The following SIK3 variants were observed in gnomAD, a reference collection of about 807,000 sequenced individuals.
SIK3 encodes the protein serine/threonine-protein kinase SIK3.
Under a neutral mutation model 144.2 loss-of-function variants are expected in SIK3, and 28 were observed. The observed-to-expected ratio is 0.19, with a 90% CI of 0.14 to 0.27. The LOEUF is 0.27. Ranked by LOEUF, SIK3 falls within the 10% of genes least tolerant of loss-of-function variation. SIK3 has a pLI of 1.00. For synonymous variants in SIK3, 686 were observed against 676.3 expected (o/e 1.01, Z -0.22); for missense variants, 1,319 against 1,776.0 (o/e 0.74, Z 4.62).
chr11:117,032,391 T>A (rs541315137), intron 1 of SIK3, among the ~76,000 whole-genome samples: 1 of 152,372 alleles, frequency 6.6e-6, no homozygotes, highest in South Asian at 2.1e-4. Context: ...TTTTGTTAGA[T>A]ATATGCTCAA....
At chr11:116,863,852 G>A in intron 15 of SIK3, 34 bp from the exon 16 acceptor site, 1 of 1,548,918 alleles carries the variant, frequency 6.5e-7, no homozygotes. Context: ...TAGAGGCTAG[G>A]ACTCAGGGGC....
At position 116,962,218 on chromosome 11, in the gene SIK3, C is replaced by T. The variant is rs531757631; in HGVS notation, c.274-5154G>A. On this transcript the variant is annotated intron_variant, in intron 1 of 24. Transcript: ENST00000445177. ...CACCCTTCCCCATCAGAAATAAATG[C>T]CCTATAGCAGATAGTACGGATTCAG... 2.9e-4 allele frequency among the ~76,000 whole-genome samples: 44 copies of T among 152,242 alleles called. No homozygotes were observed. The South Asian group carries it at 8.7e-3, about 30-fold the overall frequency.
At chr11:116,966,872 G>T (rs1336382416) in intron 1 of SIK3, among the ~76,000 whole-genome samples, 2 of 151,714 alleles carry the variant, frequency 1.3e-5, no homozygotes, top group Non-Finnish European at 2.9e-5. Flanking sequence ...AAGCATGGTG[G>T]CGTGGGCCTG....
chr11:116,925,075 G>A (rs1345654929), intron 4 of SIK3, among the ~76,000 whole-genome samples: 1 of 152,144 alleles, frequency 6.6e-6, no homozygotes, highest in Non-Finnish European at 1.5e-5. Flanking sequence ...GAGACCAGGA[G>A]TTCGAGACCA....
At chr11:117,047,895 C>T (rs1289921489) in intron 1 of SIK3, among the ~76,000 whole-genome samples, 1 of 152,040 alleles carries the variant, frequency 6.6e-6, no homozygotes, top group Non-Finnish European at 1.5e-5. Context: ...ATGATAAAGT[C>T]TGTTGTGAGG....
intron 15 of SIK3, chr11:116,864,624 C>T (rs1215514369): frequency 6.6e-6 from 1 of 152,260 alleles, no homozygotes; most frequent in Non-Finnish European, 1.5e-5. Context: ...TAGAAGCTAA[C>T]ACCTACTCTT....
At chr11:116,943,587 G>A (rs926931327) in intron 3 of SIK3, among the ~76,000 whole-genome samples, 3 of 152,082 alleles carry the variant, frequency 2.0e-5, no homozygotes, top group East Asian at 1.9e-4. Context: ...GACACTCACC[G>A]AAACCTAGTT....
chr11:116,852,123 A>T (rs1942504894), intron 21 of SIK3, among the ~76,000 whole-genome samples: 1 of 152,258 alleles, frequency 6.6e-6, no homozygotes, highest in Non-Finnish European at 1.5e-5. Context: ...AGCAAAGCTA[A>T]CAAAATGTAT....
At chr11:116,913,569 A>C (rs1289694691) in intron 4 of SIK3, among the ~76,000 whole-genome samples, 1 of 149,508 alleles carries the variant, frequency 6.7e-6, no homozygotes, top group African/African-American at 2.5e-5. Flanking sequence ...GTATAAAGGA[A>C]AGGATTATAA....
At chr11:117,029,533 A>T (rs1952166157) in intron 1 of SIK3, among the ~76,000 whole-genome samples, 3 of 152,172 alleles carry the variant, frequency 2.0e-5, no homozygotes, top group Admixed American at 1.3e-4. Flanking sequence ...CTAGGTCAGA[A>T]ATGGGCGTAT....
At chr11:117,012,706 CT>C (rs1341205068) in intron 1 of SIK3, among the ~76,000 whole-genome samples, 1 of 152,168 alleles carries the variant, frequency 6.6e-6, no homozygotes, top group African/African-American at 2.4e-5. Context: ...ACAAAAGGTT[CT>C]CTGTCCATCC....
chr11:116,919,867 C>T (rs1015733261), intron 4 of SIK3, among the ~76,000 whole-genome samples: 2 of 152,152 alleles, frequency 1.3e-5, no homozygotes, highest in African/African-American at 4.8e-5. Flanking sequence ...TAGAAATTCT[C>T]GCTTGCTTTC....
chr11:116,886,809 C>T (rs1017598867), intron 6 of SIK3, among the ~76,000 whole-genome samples: 2 of 152,090 alleles, frequency 1.3e-5, no homozygotes, highest in African/African-American at 4.8e-5. Flanking sequence ...TTGCATCCAT[C>T]GGTGGAAGGG....
chr11:117,044,952 C>G (rs1267322360), intron 1 of SIK3, among the ~76,000 whole-genome samples: 2 of 152,162 alleles, frequency 1.3e-5, no homozygotes, highest in African/African-American at 4.8e-5. Flanking sequence ...GTAATAACAT[C>G]GGCAAATCAG....
rs201545149 is a variant in SIK3 at position 116,944,965 on chromosome 11, C to CTTT, written c.454+9076_454+9078dup. Among the ~76,000 whole-genome samples the CTTT allele has an allele frequency of 5.5e-5, 8 of 145,832 alleles. No homozygotes were observed. In the East Asian group the frequency reaches 6.0e-4, roughly 11 times the overall value. On this transcript the variant is annotated intron_variant, in intron 3 of 24. Transcript: ENST00000445177. ...GGGGCACTAGCTACATTTCTTTTTTCTTTTTTTTTTTTGAGACGGAGTCTC... is the reference window on the plus strand; with the variant it reads ...GGGGCACTAGCTACATTTCTTTTTTCTTTTTTTTTTTTTTTGAGACGGAGTCTC...
intron 1 of SIK3, among the ~76,000 whole-genome samples, chr11:116,979,151 A>G (rs1043753412): frequency 6.6e-6 from 1 of 152,174 alleles, no homozygotes; most frequent in Non-Finnish European, 1.5e-5. Flanking sequence ...CATCTCTAAC[A>G]ACTGTAACTA....
chr11:116,876,952 A>G lies in SIK3; in HGVS notation c.956T>C (p.Leu319Pro), dbSNP rs1944289621. 1.9e-6 allele frequency: 3 copies of G among 1,614,170 alleles called. No homozygotes were observed. The highest frequency in any genetic ancestry group is 2.5e-6 in the Non-Finnish European group (3 of 1,180,016). Reference protein sequence around the residue: ...EQICKHKWMKLGDADPNFDRL... With the variant: ...EQICKHKWMKPGDADPNFDRL... ...GTCAAAGTTGGGATCGGCGTCCCCTAGCTTCATCCACTTGTGCTTGCAGAT... is the reference window on the plus strand; with the variant it reads ...GTCAAAGTTGGGATCGGCGTCCCCTGGCTTCATCCACTTGTGCTTGCAGAT... The change falls in exon 7 of 25, where the codon CTA (leucine) becomes CCA (proline). Residue 319 changes from leucine (L) to proline (P), a missense_variant. Transcript: ENST00000445177.
chr11:116,942,188 TTA>T (rs1948343661), intron 3 of SIK3, among the ~76,000 whole-genome samples: 1 of 152,200 alleles, frequency 6.6e-6, no homozygotes, highest in Admixed American at 6.5e-5. Flanking sequence ...CATGCTTGAC[TTA>T]GTTATATTTC....
intron 1 of SIK3, among the ~76,000 whole-genome samples, chr11:117,044,105 T>C (rs1952857519): frequency 1.3e-5 from 2 of 152,254 alleles, no homozygotes; most frequent in African/African-American, 4.8e-5. Context: ...AACTATTCTA[T>C]TTCTTGAATC....
Sources: gnomAD v4.1 joint callset for allele counts (sites outside exome capture counted in the v4.1 genomes callset) on GRCh38, gnomAD v4.1.1 for gene constraint, MANE v1.5 for transcripts, NCBI Gene and HGNC (gene_info 2026-07-23, HGNC 2026-07-21) for gene names.